CMC1: variants seen among roughly 807,000 people sequenced by gnomAD.
The protein encoded by CMC1 is C-X9-C motif containing 1, also known as COX assembly mitochondrial protein homolog.
A neutral mutation model predicts 14.1 loss-of-function variants in CMC1; 14 were observed. The observed-to-expected ratio is 0.99, with a 90% CI of 0.66 to 1.55. The LOEUF (loss-of-function observed/expected upper bound fraction) is 1.55. Ranked by LOEUF, CMC1 falls within the 40% of genes most tolerant of loss-of-function variation. The pLI is 0.00. For synonymous variants in CMC1, 50 were observed against 38.4 expected (o/e 1.30, Z -1.12); for missense variants, 127 against 123.8 (o/e 1.03, Z -0.12).
chr3:28,319,294 T>C (rs1703095537), intron 3 of CMC1: 2 of 577,466 alleles, frequency 3.5e-6, no homozygotes, highest in Admixed American at 4.3e-5. Context: ...TGCTTCTCAT[T>C]GCTCTATTCT....
rs1018580614 is a variant in CMC1 at position 28,317,717 on chromosome 3, G to A, written c.200+1294G>A. On this transcript the variant is annotated intron_variant, in intron 3 of 3. Coordinates refer to ENST00000466830, the MANE Select transcript of CMC1 (RefSeq NM_182523.2). ...TGTATCAGTGAGAGCTTAGCTAGTC[G>A]TGTTACCTTAGGCAGGCTCCTCATT... The A allele has an allele frequency of 2.0e-5, 3 of 152,102 alleles. No homozygotes were observed. The South Asian group carries it at 6.2e-4, about 32-fold the overall frequency. 9.4% of individuals were successfully genotyped at this position (152,102 alleles called of 1,614,324 possible). A position where few individuals can be genotyped will look rare whatever the true frequency, so the allele number is the denominator to read the frequency against.
At chr3:28,297,675 A>G (rs796503624) in intron 2 of CMC1, among the ~76,000 whole-genome samples, 4 of 152,206 alleles carry the variant, frequency 2.6e-5, no homozygotes, top group African/African-American at 9.6e-5. Flanking sequence ...GTTTTAGAAA[A>G]CAAAGTTGGC....
chr3:28,253,728 CAGAGT>C, intron 1 of CMC1: 1 of 1,282,280 alleles, frequency 7.8e-7, no homozygotes. Flanking sequence ...GTTTTTCCTA[CAGAGT>C]AAACAGTAGC....
chr3:28,289,301 C>T (rs894747740), intron 2 of CMC1, among the ~76,000 whole-genome samples: 1 of 151,558 alleles, frequency 6.6e-6, no homozygotes, highest in African/African-American at 2.4e-5. Context: ...TAGATAGTTT[C>T]TTTTTAAAAT....
At chr3:28,261,077 T>G (rs1256540138) in intron 1 of CMC1, among the ~76,000 whole-genome samples, 1 of 152,192 alleles carries the variant, frequency 6.6e-6, no homozygotes, top group Non-Finnish European at 1.5e-5. Flanking sequence ...TAGGTCAAGT[T>G]AGTTGATAAT....
intron 2 of CMC1, among the ~76,000 whole-genome samples, chr3:28,284,936 G>A (rs1027733279): frequency 6.6e-6 from 1 of 152,088 alleles, no homozygotes; most frequent in African/African-American, 2.4e-5. Context: ...CAATTATATG[G>A]CTGCTTCCTT....
At chr3:28,247,185 G>A (rs894733343) in intron 1 of CMC1, among the ~76,000 whole-genome samples, 3 of 151,992 alleles carry the variant, frequency 2.0e-5, no homozygotes, top group East Asian at 1.9e-4. Context: ...TACCTACCCT[G>A]GCCAATCCAT....
chr3:28,307,628 C>T (rs529842763), intron 2 of CMC1, among the ~76,000 whole-genome samples: 10 of 152,192 alleles, frequency 6.6e-5, no homozygotes, highest in African/African-American at 9.7e-5. Context: ...TCATCATCTT[C>T]GTTAAAGTCT....
At chr3:28,290,966 G>T (rs1331477137) in intron 2 of CMC1, among the ~76,000 whole-genome samples, 1 of 151,980 alleles carries the variant, frequency 6.6e-6, no homozygotes, top group African/African-American at 2.4e-5. Flanking sequence ...CTGAAACCTT[G>T]ACTGGGGAAG....
intron 2 of CMC1, among the ~76,000 whole-genome samples, chr3:28,290,179 A>G (rs1230288079): frequency 6.6e-6 from 1 of 152,160 alleles, no homozygotes; most frequent in Non-Finnish European, 1.5e-5. Context: ...GTCATAATTT[A>G]TAATACTTAT....
At position 28,319,651 on chromosome 3, in the gene CMC1, A is replaced by C; in HGVS notation, c.*22A>C. 1 of 1,582,230 alleles carries C rather than the reference A, an allele frequency of 6.3e-7. No individual in the cohort carries two copies. The highest frequency in any genetic ancestry group is 8.6e-7 in the Non-Finnish European group (1 of 1,167,268). On this transcript the variant is annotated 3_prime_UTR_variant, in exon 4 of 4. Coordinates refer to ENST00000466830, the MANE Select transcript of CMC1 (RefSeq NM_182523.2). Reference sequence around the variant, plus strand: ...GTAGGCAGATACTCAAATGACATTCAGGAACTCTAATATTCATGGAAGTCA... The same window carrying C: ...GTAGGCAGATACTCAAATGACATTCCGGAACTCTAATATTCATGGAAGTCA...
At chr3:28,273,028 A>G (rs1300002201) in intron 2 of CMC1, among the ~76,000 whole-genome samples, 3 of 152,138 alleles carry the variant, frequency 2.0e-5, no homozygotes, top group African/African-American at 7.2e-5. Flanking sequence ...TATCAGGATG[A>G]TACTGGCCTC....
intron 2 of CMC1, among the ~76,000 whole-genome samples, chr3:28,285,907 C>CAG (rs1207951668): frequency 6.6e-6 from 1 of 151,782 alleles, no homozygotes; most frequent in Admixed American, 6.6e-5. Flanking sequence ...GCTGGGACTA[C>CAG]GCGCCTGCCA....
At chr3:28,312,107 G>T (rs1702665826) in intron 2 of CMC1, among the ~76,000 whole-genome samples, 1 of 152,112 alleles carries the variant, frequency 6.6e-6, no homozygotes, top group Non-Finnish European at 1.5e-5. Context: ...TAAGATGATG[G>T]TGCAGTTATG....
At chr3:28,263,679 TTA>T (rs1008201413) in intron 2 of CMC1, among the ~76,000 whole-genome samples, 16 of 152,166 alleles carry the variant, frequency 1.1e-4, no homozygotes, top group Admixed American at 8.5e-4. Context: ...CAAGTTACTC[TTA>T]CGATTTTTAT....
intron 2 of CMC1, among the ~76,000 whole-genome samples, chr3:28,299,619 A>G (rs947855917): frequency 2.0e-5 from 3 of 152,172 alleles, no homozygotes; most frequent in Non-Finnish European, 4.4e-5. Context: ...TTAAAAGCAT[A>G]ATAATTTTGT....
At chr3:28,261,630 G>T (rs1195089169) in intron 1 of CMC1, among the ~76,000 whole-genome samples, 1 of 152,146 alleles carries the variant, frequency 6.6e-6, no homozygotes, top group South Asian at 2.1e-4. Flanking sequence ...GGAACTTTGA[G>T]TCTTCCCAGA....
In CMC1 at chr3:28,321,434, A is replaced by G. The variant is rs1227657937; in HGVS notation, c.*1805A>G. 1 of 151,440 alleles carries G rather than the reference A, an allele frequency of 6.6e-6. No individual in the cohort carries two copies. Among genetic ancestry groups the G allele is most frequent in the Admixed American group, 6.6e-5 (1 of 15,132 alleles). 9.4% of individuals were successfully genotyped at this position (151,440 alleles called of 1,614,324 possible). A position where few individuals can be genotyped will look rare whatever the true frequency, so the allele number is the denominator to read the frequency against. On this transcript the variant is annotated 3_prime_UTR_variant, in exon 4 of 4. Coordinates refer to ENST00000466830, the MANE Select transcript of CMC1 (RefSeq NM_182523.2). The stretch of plus-strand genomic sequence containing the variant: ...TAGAAGCCAGATTAGATTACACAGT[A>G]TAAATAATATGTTCATCCTCCTTAT...
rs775828545 is a variant in CMC1 at position 28,324,256 on chromosome 3, TTGTC to T, written c.*4632_*4635del. 5.0e-6 allele frequency: 8 copies of T among 1,610,016 alleles called. No individual in the cohort carries two copies. The highest frequency in any genetic ancestry group is 1.7e-5 in the Admixed American group (1 of 59,712). On this transcript the variant is annotated 3_prime_UTR_variant, in exon 4 of 4. Transcript: ENST00000466830. ...ACCATCATTAGGAATGGATCTCTCATTGTCTGTCCATGATTGGAGGATTGCTTTC... is the reference window on the plus strand; with the variant it reads ...ACCATCATTAGGAATGGATCTCTCATTGTCCATGATTGGAGGATTGCTTTC...
Sources: gnomAD v4.1 joint callset for allele counts (sites outside exome capture counted in the v4.1 genomes callset) on GRCh38, gnomAD v4.1.1 for gene constraint, MANE v1.5 for transcripts, NCBI Gene and HGNC (gene_info 2026-07-23, HGNC 2026-07-21) for gene names.